Variants in C4orf50 observed in about 807,000 individuals in gnomAD.
C4orf50 encodes chromosome 4 open reading frame 50.
Under a neutral mutation model 77.2 loss-of-function variants are expected in C4orf50, and 80 were observed. The observed-to-expected ratio is 1.04, with a 90% CI of 0.87 to 1.25. The LOEUF (loss-of-function observed/expected upper bound fraction) is 1.25, where lower values mean the gene tolerates loss of function less well. Among genes scored for constraint, C4orf50 ranks in the 50% most tolerant of loss-of-function variants. The probability of loss-of-function intolerance (pLI) is 0.00; values close to 1 mark genes in which losing one functional copy is unlikely to be tolerated. For missense variants in C4orf50, 1,257 were observed against 1,152.9 expected, an observed-to-expected ratio of 1.09 and a Z score of -1.31; for synonymous variants, 532 against 465.3, an observed-to-expected ratio of 1.14 and a Z score of -1.84.
intron 7 of C4orf50, among the ~76,000 whole-genome samples, chr4:5,906,100 A>G (rs1226583008): frequency 6.6e-6 from 1 of 152,114 alleles, no homozygotes; most frequent in Non-Finnish European, 1.5e-5. Context: ...AGCCAGTGCA[A>G]AAGCCCTGGA....
intron 23 of C4orf50, among the ~76,000 whole-genome samples, chr4:6,016,165 G>A (rs1383870512): frequency 6.6e-6 from 1 of 152,088 alleles, no homozygotes; most frequent in Non-Finnish European, 1.5e-5. Flanking sequence ...AAGTGTTTGG[G>A]GTCTTTATCT....
Position 6,004,568 on chromosome 4 carries a change from C to G in C4orf50, c.963+3428G>C, listed in dbSNP as rs370368294. On this transcript the variant is annotated intron_variant, in intron 25 of 33. Transcript: ENST00000531445. ...TAATGGTGATGATGGTGATGGTGGTCATGGTGATGGTGATGTTGGTGATGA... is the reference window on the plus strand; with the variant it reads ...TAATGGTGATGATGGTGATGGTGGTGATGGTGATGGTGATGTTGGTGATGA... 2.6e-3 allele frequency among the ~76,000 whole-genome samples: 28 copies of G among 10,690 alleles called. 1 individual carries two copies. The highest frequency in any genetic ancestry group is 4.1e-3 in the South Asian group (1 of 246). The allele number at this position is 10,690 out of a possible 152,430, so 7.0% of individuals were successfully genotyped here.
At chr4:5,942,648 T>C (rs1400689493) in intron 7 of C4orf50, among the ~76,000 whole-genome samples, 1 of 152,158 alleles carries the variant, frequency 6.6e-6, no homozygotes. Flanking sequence ...TACAAGAGTA[T>C]AAAAAAGGTG....
intron 7 of C4orf50, among the ~76,000 whole-genome samples, chr4:5,936,949 G>C (rs1177808114): frequency 6.6e-6 from 1 of 151,822 alleles, no homozygotes; most frequent in Non-Finnish European, 1.5e-5. Context: ...GAAGACAGTG[G>C]AATAGCATTG....
intron 28 of C4orf50, 77 bp from the exon 7 acceptor site, chr4:5,980,415 GT>G: frequency 7.6e-7 from 1 of 1,313,854 alleles, no homozygotes; most frequent in Non-Finnish European, 1.0e-6. Context: ...AACGGTACCC[GT>G]TTCCCCACTC....
At chr4:5,995,178 G>A (rs887580742) in intron 25 of C4orf50, among the ~76,000 whole-genome samples, 4 of 151,942 alleles carry the variant, frequency 2.6e-5, no homozygotes, top group African/African-American at 9.7e-5. Flanking sequence ...CCCTGGGTGG[G>A]GGCAGTGAGT....
chr4:5,928,667 T>G (rs985993778), intron 7 of C4orf50, among the ~76,000 whole-genome samples: 6 of 152,204 alleles, frequency 3.9e-5, no homozygotes, highest in African/African-American at 1.4e-4. Flanking sequence ...GGCATTCTAC[T>G]GCAGATGGCA....
intron 7 of C4orf50, among the ~76,000 whole-genome samples, chr4:5,950,704 ACCC>A (rs34336375): frequency 6.6e-6 from 1 of 151,986 alleles, no homozygotes; most frequent in Non-Finnish European, 1.5e-5. Context: ...CACTGTCTCC[ACCC>A]CCGTTTTTCT....
chr4:5,955,969 GT>G (rs1718940023), downstream of C4orf50, among the ~76,000 whole-genome samples: 1 of 152,230 alleles, frequency 6.6e-6, no homozygotes, highest in Non-Finnish European at 1.5e-5. The surrounding 1 kb of genome is among the most constrained non-coding windows in gnomAD (Gnocchi z 5.1). Flanking sequence ...GAGGAGTGGA[GT>G]TTGGCCAAGG....
At chr4:5,942,870 G>A (rs999422875) in intron 7 of C4orf50, among the ~76,000 whole-genome samples, 17 of 152,258 alleles carry the variant, frequency 1.1e-4, no homozygotes, top group African/African-American at 3.6e-4. Context: ...AAGCCTGGAT[G>A]CGTAAGGATA....
chr4:5,976,100 T>A (rs1342565390), intron 29 of C4orf50, 145 bp from the exon 8 acceptor site: 15 of 656,002 alleles, frequency 2.3e-5, no homozygotes, highest in Non-Finnish European at 8.2e-6. Context: ...ACAGGGGCCT[T>A]TCCCACCACC....
intron 32 of C4orf50, 71 bp downstream of exon 10, chr4:5,967,341 CCT>C: frequency 8.1e-7 from 1 of 1,238,506 alleles, no homozygotes; most frequent in Non-Finnish European, 1.2e-6. Context: ...CTCTGGCCCA[CCT>C]CTCACAGCGT....
intron 33 of C4orf50, among the ~76,000 whole-genome samples, chr4:5,961,100 T>C (rs1719249831): frequency 6.6e-6 from 1 of 152,192 alleles, no homozygotes; most frequent in Non-Finnish European, 1.5e-5. Flanking sequence ...TCACAATGCA[T>C]AGATTTATTT....
intron 31 of C4orf50, among the ~76,000 whole-genome samples, chr4:5,971,237 A>G (rs1719890942): frequency 6.6e-6 from 1 of 152,122 alleles, no homozygotes; most frequent in Admixed American, 6.5e-5. Context: ...CGGGAATTCC[A>G]TCTGTGTCCT....
At chr4:5,931,323 C>T (rs1243898255) in intron 7 of C4orf50, among the ~76,000 whole-genome samples, 1 of 152,152 alleles carries the variant, frequency 6.6e-6, no homozygotes, top group Non-Finnish European at 1.5e-5. Context: ...TAGTAAGTAT[C>T]AGTTAGGGAA....
At position 6,000,092 on chromosome 4, in the gene C4orf50, C is replaced by A. The variant is rs1721768182; in HGVS notation, c.964-5616G>T. Among the ~76,000 whole-genome samples the A allele has an allele frequency of 6.6e-6, 1 of 152,166 alleles. No individual in the cohort carries two copies. Among genetic ancestry groups the A allele is most frequent in the Non-Finnish European group, 1.5e-5 (1 of 68,036 alleles). On this transcript the variant is annotated intron_variant, in intron 25 of 33. Transcript: ENST00000531445. This position sits in a 1 kb window ranked among gnomAD's most constrained non-coding sequence, Gnocchi z 6.0. ...TTATGGAGGGAGATCCTTTGACAGTCACCACTGTTGTCCAGAGCAAGGTGC... is the reference window on the plus strand; with the variant it reads ...TTATGGAGGGAGATCCTTTGACAGTAACCACTGTTGTCCAGAGCAAGGTGC...
At chr4:5,988,147 C>A (rs1414855295) in intron 28 of C4orf50, among the ~76,000 whole-genome samples, 200 bp downstream of exon 6, 3 of 152,142 alleles carry the variant, frequency 2.0e-5, no homozygotes, top group Non-Finnish European at 4.4e-5. Context: ...GGTGTGAGTC[C>A]CTGCTCCATC....
At chr4:6,006,029 C>A (rs1365497460) in intron 25 of C4orf50, among the ~76,000 whole-genome samples, 1 of 152,080 alleles carries the variant, frequency 6.6e-6, no homozygotes, top group African/African-American at 2.4e-5. Flanking sequence ...ACTTGTTTTC[C>A]AAAATTACAA....
intron 25 of C4orf50, among the ~76,000 whole-genome samples, chr4:5,998,966 C>T (rs555757677): frequency 2.0e-5 from 3 of 152,304 alleles, no homozygotes; most frequent in South Asian, 2.1e-4. Flanking sequence ...TGCAGTGGTC[C>T]GTTCCTCTGG....
Sources: gnomAD v4.1 joint callset for allele counts (sites outside exome capture counted in the v4.1 genomes callset) on GRCh38, gnomAD v4.1.1 for gene constraint, Gnocchi (gnomAD v3.1) non-coding constraint, MANE v1.5 for transcripts, NCBI Gene and HGNC (gene_info 2026-07-23, HGNC 2026-07-21) for gene names.